The following PCDHA3 variants were observed in gnomAD, a reference collection of about 807,000 sequenced individuals.
PCDHA3 encodes the protein protocadherin alpha-3.
In PCDHA3, 41 loss-of-function variants were observed where a neutral mutation model predicts 62.2. The ratio of observed to expected loss-of-function variants is 0.66; its 90% confidence interval spans 0.51 to 0.86. The LOEUF (loss-of-function observed/expected upper bound fraction) is 0.86, where lower values mean the gene tolerates loss of function less well. PCDHA3 is among the 40% of genes least tolerant of loss of function. The pLI is 0.00. For missense variants in PCDHA3, 1,304 were observed against 1,241.2 expected, an observed-to-expected ratio of 1.05 and a Z score of -0.76; for synonymous variants, 640 against 555.4, an observed-to-expected ratio of 1.15 and a Z score of -2.14.
In PCDHA3 at chr5:140,830,082, C is replaced by T. The variant is rs1330292023; in HGVS notation, c.2394+26491C>T. On this transcript the variant is annotated intron_variant, in intron 1 of 3. Coordinates refer to ENST00000522353, the MANE Select transcript of PCDHA3 (RefSeq NM_018906.3). ...GAGCCGGCGCTGACAGCGACGGCCA[C>T]GGTTCTGGTGTCGCTGGTGGAGAGT... 8.7e-6 allele frequency: 14 copies of T among 1,613,566 alleles called. No homozygotes were observed. The highest frequency in any genetic ancestry group is 1.3e-5 in the African/African-American group (1 of 75,018).
intron 1 of PCDHA3, chr5:140,863,701 A>G (rs782228120): frequency 3.1e-5 from 9 of 294,760 alleles, no homozygotes; most frequent in Non-Finnish European, 6.0e-5. Context: ...TGCTTTATTT[A>G]AAGTACACTG....
intron 1 of PCDHA3, among the ~76,000 whole-genome samples, chr5:140,908,701 C>A (rs2074102440): frequency 6.6e-6 from 1 of 152,218 alleles, no homozygotes; most frequent in Admixed American, 6.5e-5. Context: ...ACACCTCAAG[C>A]ACCATTGGAT....
intron 1 of PCDHA3, chr5:140,870,789 G>T (rs1554164716): frequency 1.2e-6 from 2 of 1,613,512 alleles, no homozygotes; most frequent in East Asian, 2.2e-5. Context: ...ACAACGCGCC[G>T]GCACTGCTGG....
chr5:140,855,858 G>C (rs1203638572), intron 1 of PCDHA3: 4 of 715,822 alleles, frequency 5.6e-6, no homozygotes, highest in Non-Finnish European at 9.0e-6. Context: ...ACCGGATGTC[G>C]CTGTCGTCCA....
At chr5:140,876,388 G>A in intron 1 of PCDHA3, 2 of 1,613,896 alleles carry the variant, frequency 1.2e-6, no homozygotes, top group Non-Finnish European at 1.7e-6. Context: ...TAGAATTTAT[G>A]GTGAACTGGA....
At chr5:140,853,927 G>T in intron 1 of PCDHA3, 1 of 895,160 alleles carries the variant, frequency 1.1e-6, no homozygotes, top group Non-Finnish European at 1.4e-6. Context: ...CCAACATTTT[G>T]GGAGGCCAAG....
Position 140,954,691 on chromosome 5 carries a change from A to G in PCDHA3, c.2395-24258A>G, listed in dbSNP as rs561318179. Among the ~76,000 whole-genome samples the G allele has an allele frequency of 9.2e-5, 14 of 152,162 alleles. No homozygotes were observed. The East Asian group carries it at 2.5e-3, about 27-fold the overall frequency. ...TATTAGACTTTTGTCAGATGGATAG[A>G]CTACAAAATTTTTCTCCCATTCTGT... On this transcript the variant is annotated intron_variant, in intron 1 of 3. Coordinates refer to ENST00000522353, the MANE Select transcript of PCDHA3 (RefSeq NM_018906.3).
intron 1 of PCDHA3, chr5:140,814,957 T>C (rs1374937016): frequency 6.6e-6 from 1 of 152,232 alleles, no homozygotes; most frequent in Non-Finnish European, 1.5e-5. Flanking sequence ...TTGTCTCTTA[T>C]GACACTTTTT....
rs183413454 is a variant in PCDHA3 at position 140,846,304 on chromosome 5, C to A, written c.2394+42713C>A. Among the ~76,000 whole-genome samples, 113 of 148,752 alleles carry A rather than the reference C, an allele frequency of 7.6e-4. 8 individuals are homozygous for A. Among genetic ancestry groups the A allele is most frequent in the African/African-American group, 2.6e-3 (105 of 40,780 alleles). On this transcript the variant is annotated intron_variant, in intron 1 of 3. Transcript: ENST00000522353. Reference sequence around the variant, plus strand: ...GTTGTAGTTCTATGAATTAAGTAAACCATTTATGTAGAGTGTTGTAAATAG... The same window carrying A: ...GTTGTAGTTCTATGAATTAAGTAAAACATTTATGTAGAGTGTTGTAAATAG...
intron 1 of PCDHA3, chr5:140,857,929 G>A: frequency 1.3e-6 from 2 of 1,597,764 alleles, no homozygotes; most frequent in Non-Finnish European, 1.7e-6. Flanking sequence ...GGCTGTACAC[G>A]GGCGAGATCA....
chr5:140,927,254 C>T, intron 1 of PCDHA3: 2 of 1,614,132 alleles, frequency 1.2e-6, no homozygotes, highest in Non-Finnish European at 1.7e-6. Flanking sequence ...AATGACAACT[C>T]ACCTCTCTTT....
intron 1 of PCDHA3, chr5:140,876,225 G>C: frequency 1.2e-6 from 2 of 1,613,982 alleles, no homozygotes; most frequent in Non-Finnish European, 1.7e-6. Context: ...AAGTAGTGTT[G>C]TCTGAAAATG....
chr5:140,805,008 G>T, intron 1 of PCDHA3: 1 of 1,547,302 alleles, frequency 6.5e-7, no homozygotes, highest in East Asian at 2.3e-5. Context: ...ATTTAGTTCT[G>T]TTATCAGCTT....
chr5:140,801,773 T>G lies in PCDHA3; in HGVS notation c.576T>G (p.Leu192=), dbSNP rs918416197. ...VKRNDEEIKS[L]GLVLKKNLNR... Reference sequence around the variant, plus strand: ...GAAATGATGAGGAAATTAAATCCCTTGGACTCGTGTTGAAAAAAAATTTAA... The same window carrying G: ...GAAATGATGAGGAAATTAAATCCCTGGGACTCGTGTTGAAAAAAAATTTAA... The change falls in exon 1 of 4, where the codon CTT becomes CTG. Residue 192 remains leucine, a synonymous_variant. Coordinates refer to ENST00000522353, the MANE Select transcript of PCDHA3 (RefSeq NM_018906.3). 9.9e-6 allele frequency: 16 copies of G among 1,614,054 alleles called. No individual in the cohort carries two copies. The highest frequency in any genetic ancestry group is 1.4e-5 in the Non-Finnish European group (16 of 1,180,008).
At chr5:140,930,527 A>G (rs73793525) in intron 1 of PCDHA3, 1 of 152,462 alleles carries the variant, frequency 6.6e-6, no homozygotes, top group Non-Finnish European at 1.5e-5. Context: ...CTGGCCCTCA[A>G]ACTTCTTGAG....
At chr5:140,818,515 C>T (rs1370679043) in intron 1 of PCDHA3, among the ~76,000 whole-genome samples, 2 of 152,136 alleles carry the variant, frequency 1.3e-5, no homozygotes, top group Non-Finnish European at 2.9e-5. Context: ...TCAGATATAA[C>T]CTGAGAGATT....
chr5:140,829,400 G>A, intron 1 of PCDHA3: 1 of 1,614,056 alleles, frequency 6.2e-7, no homozygotes, highest in Non-Finnish European at 8.5e-7. Context: ...TTCGCTGTGG[G>A]CCACCGCCAG....
chr5:140,876,729 G>C lies in PCDHA3; in HGVS notation c.2394+73138G>C, dbSNP rs781841207. The C allele has an allele frequency of 3.1e-6, 5 of 1,614,102 alleles. No homozygotes were observed. The East Asian group carries it at 6.7e-5, about 22-fold the overall frequency. On this transcript the variant is annotated intron_variant, in intron 1 of 3. Transcript: ENST00000522353. ...GCGCCCTGGACCGCGAGAGCGTGTC[G>C]GCCTATGAGCTGGTGGTGACTGCGC...
At chr5:141,005,809 C>T (rs1554260384) in intron 3 of PCDHA3, among the ~76,000 whole-genome samples, 1 of 150,480 alleles carries the variant, frequency 6.6e-6, no homozygotes, top group Admixed American at 6.6e-5. Flanking sequence ...TCCAAGGAGC[C>T]AGGTATGGTG....
Sources: allele counts gnomAD v4.1 joint callset (sites outside exome capture counted in the v4.1 genomes callset), GRCh38; gene constraint gnomAD v4.1.1; transcripts MANE v1.5; gene names NCBI Gene and HGNC (gene_info 2026-07-23, HGNC 2026-07-21).